The following SUGT1 variants were observed in gnomAD, a reference collection of about 807,000 sequenced individuals.
The protein encoded by SUGT1 is protein SGT1 homolog.
SUGT1 carries 15 observed loss-of-function variants against 56.1 expected under a neutral mutation model. The observed-to-expected ratio is 0.27, with a 90% CI of 0.18 to 0.41. SUGT1 has a LOEUF of 0.41. Among genes scored for constraint, SUGT1 ranks in the 10% least tolerant of loss-of-function variants. The pLI is 1.00. For missense variants in SUGT1, 347 were observed against 382.2 expected (o/e 0.91, Z 0.77); for synonymous variants, 123 against 128.6 (o/e 0.96, Z 0.30).
At chr13:52,679,243 C>G (rs941146257) in intron 11 of SUGT1, among the ~76,000 whole-genome samples, 1 of 152,158 alleles carries the variant, frequency 6.6e-6, no homozygotes, top group African/African-American at 2.4e-5. Context: ...TTGGAGCAAT[C>G]TTGGCAGTAC....
In SUGT1 at chr13:52,663,952, A is replaced by G. The variant is rs181586060; in HGVS notation, c.400-83A>G. The G allele has an allele frequency of 3.2e-3, 4,092 of 1,261,778 alleles. 18 individuals carry two copies. Among genetic ancestry groups the G allele is most frequent in the Non-Finnish European group, 4.0e-3 (3,476 of 874,644 alleles). 78.2% of individuals were successfully genotyped at this position (1,261,778 alleles called of 1,614,324 possible). On this transcript the variant is annotated intron_variant, in intron 7 of 12. Coordinates refer to ENST00000310528, the MANE Select transcript of SUGT1 (RefSeq NM_006704.5). ...CTGCAGTGTTGGGTAAATTAATAAT[A>G]CATGCATTTTAATAATACAGTTGCT...
intron 2 of SUGT1, among the ~76,000 whole-genome samples, chr13:52,654,890 C>T (rs1378181991): frequency 6.6e-6 from 1 of 152,188 alleles, no homozygotes; most frequent in Non-Finnish European, 1.5e-5. Flanking sequence ...CAAAAAGCTT[C>T]TGTGAATACT....
intron 10 of SUGT1, among the ~76,000 whole-genome samples, chr13:52,671,629 A>G (rs548017301): frequency 3.9e-5 from 6 of 152,140 alleles, no homozygotes; most frequent in Non-Finnish European, 5.9e-5. Flanking sequence ...TTTTTAGCTG[A>G]GGATATTGAT....
intron 12 of SUGT1, among the ~76,000 whole-genome samples, chr13:52,682,525 T>A (rs1002629005): frequency 4.6e-5 from 7 of 152,252 alleles, no homozygotes; most frequent in African/African-American, 1.7e-4. Flanking sequence ...AAGTCTGTGA[T>A]GCATTTTGAA....
Position 52,689,154 on chromosome 13 carries a change from G to GT in SUGT1, c.*1320dup, listed in dbSNP as rs1963698356. 1 of 152,172 alleles carries GT rather than the reference G, an allele frequency of 6.6e-6. No individual in the cohort carries two copies. Among genetic ancestry groups the GT allele is most frequent in the Non-Finnish European group, 1.5e-5 (1 of 68,062 alleles). 9.4% of individuals were successfully genotyped at this position (152,172 alleles called of 1,614,324 possible). A position where few individuals can be genotyped will look rare whatever the true frequency, so the allele number is the denominator to read the frequency against. On this transcript the variant is annotated 3_prime_UTR_variant, in exon 13 of 13. Coordinates refer to ENST00000310528, the MANE Select transcript of SUGT1 (RefSeq NM_006704.5). ...TCCTTCTCGTCCTTTGTTGTGGGGT[G>GT]TAGGGGAGTTACTAAGGAAAGTTTC...
In SUGT1 at chr13:52,676,301, G is replaced by C; in HGVS notation, c.699G>C (p.Thr233=). 6.2e-7 allele frequency: 1 copy of C among 1,612,226 alleles called. No homozygotes were observed. Among genetic ancestry groups the C allele is most frequent in the Non-Finnish European group, 8.5e-7 (1 of 1,179,136 alleles). ...EKLEGQGDVP[T]PKQFVADVKN... ...TAGAGGGGCAAGGAGATGTGCCTACGCCAAAACAATTCGTAGCAGGTTTGT... is the reference window on the plus strand; with the variant it reads ...TAGAGGGGCAAGGAGATGTGCCTACCCCAAAACAATTCGTAGCAGGTTTGT... The change falls in exon 11 of 13, where the codon ACG becomes ACC. Residue 233 remains threonine (T), a synonymous_variant. Coordinates refer to ENST00000310528, the MANE Select transcript of SUGT1 (RefSeq NM_006704.5).
At chr13:52,660,526 T>C (rs1187838542) in intron 5 of SUGT1, among the ~76,000 whole-genome samples, 2 of 152,232 alleles carry the variant, frequency 1.3e-5, no homozygotes, top group African/African-American at 4.8e-5. Context: ...CTGTACTGTT[T>C]TGAATGTTTG....
rs755863004 is a variant in SUGT1, at chr13:52,694,529, T to C, written c.*6694T>C. ...CTAGATGTAGAATGTTAAGGAACTT[T>C]CGGAAGTTCTCTGGTTTTCATTTCA... On this transcript the variant is annotated 3_prime_UTR_variant, in exon 13 of 13. Transcript: ENST00000310528. 2 of 152,252 alleles carry C rather than the reference T, an allele frequency of 1.3e-5. No homozygotes were observed. The highest frequency in any genetic ancestry group is 4.1e-4 in the South Asian group (2 of 4,834). The allele number at this position is 152,252 out of a possible 1,614,324, so 9.4% of individuals were successfully genotyped here.
At chr13:52,663,932 G>A (rs188479994) in intron 7 of SUGT1, 103 bp from the exon 8 acceptor site, 24 of 1,080,664 alleles carry the variant, frequency 2.2e-5, no homozygotes, top group Middle Eastern at 2.0e-4. Flanking sequence ...AATAACTGCA[G>A]TGTTGGGTAA....
chr13:52,660,133 G>A (rs1223157816), intron 5 of SUGT1, among the ~76,000 whole-genome samples: 3 of 152,062 alleles, frequency 2.0e-5, no homozygotes, highest in African/African-American at 7.2e-5. Flanking sequence ...CCAGCCGAGA[G>A]CCAAGAATTT....
intron 10 of SUGT1, among the ~76,000 whole-genome samples, chr13:52,673,899 CAACTT>C (rs549699476): frequency 2.4e-3 from 372 of 152,176 alleles, no homozygotes; most frequent in South Asian, 8.7e-3. Flanking sequence ...GTAGCAGTGA[CAACTT>C]AAAGTAACCA....
At chr13:52,659,415 C>T (rs909147794) in intron 5 of SUGT1, among the ~76,000 whole-genome samples, 166 bp downstream of exon 5, 8 of 151,944 alleles carry the variant, frequency 5.3e-5, no homozygotes, top group Admixed American at 2.0e-4. Context: ...CACTTAAAAT[C>T]GATTAAATTA....
chr13:52,675,221 C>T (rs114512321), intron 10 of SUGT1, among the ~76,000 whole-genome samples: 2,343 of 152,286 alleles, frequency 0.015, 60 homozygotes, highest in African/African-American at 0.053. Context: ...TTTAGAACTT[C>T]AGTAACTTTC....
At chr13:52,658,356 G>T (rs1962261696) in intron 3 of SUGT1, 43 bp from the exon 4 acceptor site, 1 of 1,602,814 alleles carries the variant, frequency 6.2e-7, no homozygotes, top group South Asian at 1.1e-5. Flanking sequence ...TATTTGCTAG[G>T]ATCTATAAAT....
In SUGT1 at chr13:52,688,681, G is replaced by A. The variant is rs1963680947; in HGVS notation, c.*846G>A. ...CATTGGTTTATGGTAACTGCTGTGA[G>A]AGTAAATTAATGTGTATATGTTTAG... On this transcript the variant is annotated 3_prime_UTR_variant, in exon 13 of 13. Coordinates refer to ENST00000310528, the MANE Select transcript of SUGT1 (RefSeq NM_006704.5). 6.6e-6 allele frequency: 1 copy of A among 152,042 alleles called. No homozygotes were observed. The allele number at this position is 152,042 out of a possible 1,614,324, so 9.4% of individuals were successfully genotyped here.
chr13:52,672,853 T>G (rs1317085169), intron 10 of SUGT1, among the ~76,000 whole-genome samples: 1 of 152,206 alleles, frequency 6.6e-6, no homozygotes, highest in Non-Finnish European at 1.5e-5. Flanking sequence ...TTAAACTCTC[T>G]GCTATGCAGA....
At position 52,689,455 on chromosome 13, in the gene SUGT1, T is replaced by A. The variant is rs1420129886; in HGVS notation, c.*1620T>A. ...GAAGGCTATTGCTGCAGAGGCATAG[T>A]TGAGGACGTATAGCACTATACCAGA... On this transcript the variant is annotated 3_prime_UTR_variant, in exon 13 of 13. Coordinates refer to ENST00000310528, the MANE Select transcript of SUGT1 (RefSeq NM_006704.5). 6.6e-6 allele frequency: 1 copy of A among 152,204 alleles called. No individual in the cohort carries two copies. The highest frequency in any genetic ancestry group is 1.9e-4 in the East Asian group (1 of 5,202). 9.4% of individuals were successfully genotyped at this position (152,204 alleles called of 1,614,324 possible). A position where few individuals can be genotyped will look rare whatever the true frequency, so the allele number is the denominator to read the frequency against.
Position 52,699,612 on chromosome 13 carries a change from G to A in SUGT1, c.*11777G>A, listed in dbSNP as rs185833584. ...GGCAGGAATATGGTTTTAATGGAAA[G>A]GAAACCATTTGCCTTTAACAGCATT... On this transcript the variant is annotated 3_prime_UTR_variant, in exon 13 of 13. Transcript: ENST00000310528. 27 of 152,280 alleles carry A rather than the reference G, an allele frequency of 1.8e-4. No homozygotes were observed. Among genetic ancestry groups the A allele is most frequent in the Middle Eastern group, 3.4e-3 (1 of 294 alleles). 9.4% of individuals were successfully genotyped at this position (152,280 alleles called of 1,614,324 possible). A position where few individuals can be genotyped will look rare whatever the true frequency, so the allele number is the denominator to read the frequency against.
chr13:52,657,975 A>G, intron 3 of SUGT1: 1 of 654,264 alleles, frequency 1.5e-6, no homozygotes, highest in Non-Finnish European at 2.1e-6. Context: ...TAATCCCAAC[A>G]CTTTGGGAGA....
Sources: gnomAD v4.1 joint callset for allele counts (sites outside exome capture counted in the v4.1 genomes callset) on GRCh38, gnomAD v4.1.1 for gene constraint, MANE v1.5 for transcripts, NCBI Gene and HGNC (gene_info 2026-07-23, HGNC 2026-07-21) for gene names.